GALK1: variants seen among roughly 807,000 people sequenced by gnomAD.
GALK1 encodes galactokinase.
In GALK1, 30 loss-of-function variants were observed where a neutral mutation model predicts 38.6. That is an observed-to-expected ratio of 0.78 (90% CI 0.58 to 1.05). The LOEUF (loss-of-function observed/expected upper bound fraction) is 1.05. GALK1 is among the 50% of genes least tolerant of loss of function. The pLI, the probability that GALK1 is intolerant of heterozygous loss-of-function variation, is 0.00. For missense variants in GALK1, 512 were observed against 540.5 expected, an observed-to-expected ratio of 0.95 and a Z score of 0.52; for synonymous variants, 240 against 233.6, an observed-to-expected ratio of 1.03 and a Z score of -0.25.
At chr17:75,761,756 G>A (rs1245807214) in intron 5 of GALK1, among the ~76,000 whole-genome samples, 2 of 149,022 alleles carry the variant, frequency 1.3e-5, no homozygotes, top group Admixed American at 6.7e-5. Context: ...TATGGCTCAC[G>A]CCTGTAATCC....
In GALK1 at chr17:75,762,794, C is replaced by T. The variant is rs764167059; in HGVS notation, c.703G>A (p.Glu235Lys). Reference sequence around the variant, plus strand: ...CATTGGCGCCGCCGCACAGGGTACTCGCTGGAGGCCAGGGAGTGGCGGACA... The same window carrying T: ...CATTGGCGCCGCCGCACAGGGTACTTGCTGGAGGCCAGGGAGTGGCGGACA... ...SNVRHSLASS[E>K]YPVRRRQCEE... The change falls in exon 5 of 8, where the codon GAG becomes AAG. Residue 235 changes from glutamate (E) to lysine (K), a missense_variant. By Grantham distance (56) the Glu-to-Lys change is moderately conservative (BLOSUM62 1). Coordinates refer to ENST00000588479, the MANE Select transcript of GALK1 (RefSeq NM_000154.2). 3.1e-6 allele frequency: 5 copies of T among 1,613,926 alleles called. No individual in the cohort carries two copies. The East Asian group carries it at 8.9e-5, about 29-fold the overall frequency.
downstream of GALK1, chr17:75,755,154 G>A (rs751866424): frequency 1.9e-6 from 3 of 1,611,774 alleles, no homozygotes; most frequent in East Asian, 4.5e-5. Flanking sequence ...CCCCCTTCCA[G>A]GGGCCCACGA....
downstream of GALK1, chr17:75,757,013 G>C (rs974851902): frequency 1.9e-6 from 3 of 1,612,338 alleles, no homozygotes; most frequent in African/African-American, 2.7e-5. Flanking sequence ...GCCTCAGCGA[G>C]AACGTGCCCT....
chr17:75,758,678 T>A, intron 5 of GALK1, 79 bp from the exon 6 acceptor site: 1 of 1,516,472 alleles, frequency 6.6e-7, no homozygotes, highest in Non-Finnish European at 8.9e-7. Context: ...CAGGCGGTGA[T>A]GGCAGTGGCC....
downstream of GALK1, chr17:75,755,168 T>G (rs779005578): frequency 7.5e-6 from 12 of 1,608,640 alleles, no homozygotes; most frequent in East Asian, 2.7e-4. Flanking sequence ...CCCACGAGAC[T>G]CTATAATCCT....
downstream of GALK1, among the ~76,000 whole-genome samples, chr17:75,754,276 G>A (rs1357684558): frequency 6.6e-6 from 1 of 152,182 alleles, no homozygotes; most frequent in Admixed American, 6.5e-5. Context: ...GGGAAGGCTT[G>A]GGGATCTCCC....
chr17:75,753,797 G>A (rs1396333869), downstream of GALK1: 1 of 1,461,984 alleles, frequency 6.8e-7, no homozygotes, highest in East Asian at 2.7e-5. Context: ...CCTGCTGGGG[G>A]AGGAGCTGGA....
intron 8 of GALK1, chr17:75,752,510 T>C (rs1289332159): frequency 2.5e-6 from 4 of 1,613,578 alleles, no homozygotes; most frequent in Non-Finnish European, 3.4e-6. Context: ...ACAGCTTCCT[T>C]ATGTACAGCG....
chr17:75,763,716 T>G, intron 2 of GALK1, 181 bp downstream of exon 2: 1 of 753,642 alleles, frequency 1.3e-6, no homozygotes. Context: ...TCCAATCAGG[T>G]CACGGGAAAC....
downstream of GALK1, among the ~76,000 whole-genome samples, chr17:75,753,402 C>T (rs974022029): frequency 2.6e-5 from 4 of 152,172 alleles, no homozygotes; most frequent in African/African-American, 9.7e-5. Context: ...GGCAAGATTC[C>T]TCTCTCCATT....
chr17:75,761,574 G>A (rs1568394716), intron 5 of GALK1, among the ~76,000 whole-genome samples: 1 of 140,366 alleles, frequency 7.1e-6, no homozygotes. Context: ...CCGAGATTGC[G>A]CCACTGCACT....
rs368895044 is a variant in GALK1, at chr17:75,762,808, G to A, written c.689C>T (p.Ser230Phe). The A allele has an allele frequency of 1.9e-6, 3 of 1,613,828 alleles. No individual in the cohort carries two copies. The highest frequency in any genetic ancestry group is 2.5e-6 in the Non-Finnish European group (3 of 1,179,972). ...CACAGGGTACTCGCTGGAGGCCAGG[G>A]AGTGGCGGACATTAGAGTTGGTGAT... ...VLITNSNVRHSLASSEYPVRR... is the reference protein window; with the variant it reads ...VLITNSNVRHFLASSEYPVRR... Residue 230 changes from serine to phenylalanine, a missense_variant, in exon 5 of 8, where the codon TCC becomes TTC. Physicochemically the swap from Ser to Phe is radical, Grantham distance 155. Transcript: ENST00000588479.
chr17:75,757,789 T>C (rs898148851), downstream of GALK1: 4 of 672,228 alleles, frequency 6.0e-6, no homozygotes, highest in Non-Finnish European at 7.6e-6. Flanking sequence ...GCCTTTGTTC[T>C]GCACTTAATA....
chr17:75,758,552 C>T lies in GALK1; in HGVS notation c.841G>A (p.Val281Met), dbSNP rs753571180. The T allele has an allele frequency of 1.2e-5, 19 of 1,596,026 alleles. No homozygotes were observed. The highest frequency in any genetic ancestry group is 4.5e-5 in the South Asian group (4 of 89,498). ...GCCGTGCGCCGAATCTCCCCCACCA[C>T]GTGCCGGGCCCGCCGGAAGCCCTCT... is the stretch of plus-strand genomic sequence containing the variant. ...SKEGFRRARHVVGEIRRTAQA... is the reference protein window; with the variant it reads ...SKEGFRRARHMVGEIRRTAQA... The change falls in exon 6 of 8, where the codon GTG becomes ATG. Residue 281 changes from valine (V) to methionine (M), a missense_variant. Val to Met is a conservative substitution (Grantham distance 21). Coordinates refer to ENST00000588479, the MANE Select transcript of GALK1 (RefSeq NM_000154.2).
At chr17:75,757,722 C>A, downstream of GALK1, 1 of 882,580 alleles carries the variant, frequency 1.1e-6, no homozygotes, top group Non-Finnish European at 1.8e-6. Context: ...CAAGGTCCGT[C>A]CTCTGTGGGC....
downstream of GALK1, chr17:75,751,502 G>T: frequency 3.3e-6 from 1 of 300,536 alleles, no homozygotes; most frequent in Non-Finnish European, 6.5e-6. Context: ...AGATTATTTT[G>T]TACATTGAGA....
In GALK1 at chr17:75,752,834, G is replaced by T. The variant is rs149134233; in HGVS notation, c.*23-1097C>A. ...ACGAAGAAACACAGCTTCACAAGTT[G>T]AAGGTTCACCAGCTGTGCCATGCAC... On this transcript the variant is annotated intron_variant, in intron 8 of 8. Coordinates refer to the GALK1 transcript ENST00000225614. Among the ~76,000 whole-genome samples the T allele has an allele frequency of 3.6e-3, 542 of 152,270 alleles. 3 individuals are homozygous for T. Among genetic ancestry groups the T allele is most frequent in the Middle Eastern group, 0.02 (6 of 294 alleles).
chr17:75,757,381 C>T (rs775578641), downstream of GALK1: 91 of 1,612,888 alleles, frequency 5.6e-5, no homozygotes, highest in Non-Finnish European at 6.8e-5. Context: ...AGGGCAGACC[C>T]CAAGCCAGGT....
intron 1 of GALK1, 144 bp downstream of exon 1, chr17:75,764,828 C>A (rs774696699): frequency 2.3e-6 from 2 of 886,380 alleles, no homozygotes; most frequent in Non-Finnish European, 1.8e-6. Flanking sequence ...CCCGGGGACT[C>A]TTCCGTGCAC....
Sources: allele counts gnomAD v4.1 joint callset (sites outside exome capture counted in the v4.1 genomes callset), GRCh38; gene constraint gnomAD v4.1.1; transcripts MANE v1.5; gene names NCBI Gene and HGNC (gene_info 2026-07-23, HGNC 2026-07-21).